The following DBNDD2 variants were observed in gnomAD, a reference collection of about 807,000 sequenced individuals.
DBNDD2 encodes dysbindin domain-containing protein 2.
Under a neutral mutation model 14.0 loss-of-function variants are expected in DBNDD2, and 8 were observed. That is an observed-to-expected ratio of 0.57 (90% CI 0.33 to 1.03). DBNDD2 has a LOEUF of 1.03. Among genes scored for constraint, DBNDD2 ranks in the 50% least tolerant of loss-of-function variants. The pLI, the probability that DBNDD2 is intolerant of heterozygous loss-of-function variation, is 0.03. For synonymous variants in DBNDD2, 94 were observed against 85.3 expected (o/e 1.10, Z -0.56); for missense variants, 194 against 206.0 (o/e 0.94, Z 0.36).
chr20:45,410,143 G>T lies in DBNDD2; in HGVS notation c.*3G>T. On this transcript the variant is annotated 3_prime_UTR_variant, in exon 3 of 3. Coordinates refer to ENST00000372710, the MANE Select transcript of DBNDD2 (RefSeq NM_001048225.4). ...CAGAGCCTGGAGCCTGCAGCTAGCA[G>T]TGGGCCCCTGCCTACAGACTGACCA... is the stretch of plus-strand genomic sequence containing the variant. The T allele has an allele frequency of 6.4e-7, 1 of 1,551,682 alleles. No homozygotes were observed. Among genetic ancestry groups the T allele is most frequent in the South Asian group, 1.2e-5 (1 of 84,064 alleles).
At chr20:45,406,180 C>T, upstream of DBNDD2, 1 of 444,208 alleles carries the variant, frequency 2.3e-6, no homozygotes. Flanking sequence ...CTCTCTTTCC[C>T]ATCGTGCGTC....
At chr20:45,408,688 C>G in intron 1 of DBNDD2, 82 bp downstream of exon 1, 1 of 1,579,370 alleles carries the variant, frequency 6.3e-7, no homozygotes, top group Non-Finnish European at 8.7e-7. Flanking sequence ...GGCACTCTCT[C>G]CCCTCTGGTT....
chr20:45,408,998 T>C lies in DBNDD2; in HGVS notation c.277+60T>C, dbSNP rs777270642. ...TCAGCCAGAGCCGGATGTCAGGCTCTGAAACGAGGCTACAAGGCTGGGCTG... is the reference window on the plus strand; with the variant it reads ...TCAGCCAGAGCCGGATGTCAGGCTCCGAAACGAGGCTACAAGGCTGGGCTG... On this transcript the variant is annotated intron_variant, in intron 2 of 2. Transcript: ENST00000372710. The C allele has an allele frequency of 2.5e-6, 4 of 1,613,876 alleles. No homozygotes were observed. The Admixed American group carries it at 6.7e-5, about 27-fold the overall frequency.
chr20:45,406,613 C>A (rs553008662), upstream of DBNDD2: 4 of 1,427,160 alleles, frequency 2.8e-6, no homozygotes, highest in South Asian at 4.4e-5. Flanking sequence ...CAGGGCCCGT[C>A]GGTCCCCCGG....
At chr20:45,407,925 T>G (rs1989558240), upstream of DBNDD2, 1 of 1,347,868 alleles carries the variant, frequency 7.4e-7, no homozygotes, top group South Asian at 2.0e-5. Flanking sequence ...CGTGTTTGTG[T>G]GGGTGGAGAG....
rs1034898341 is a variant in DBNDD2 at position 45,408,473 on chromosome 20, C to T, written c.6C>T (p.Asp2=). The change falls in exon 1 of 3, where the codon GAC becomes GAT. Residue 2 remains aspartate, a synonymous_variant. Transcript: ENST00000372710. Reference sequence around the variant, plus strand: ...CTCTACCCGCAGGAGCTGACATGGACCCAAATCCTCGGGCCGCCCTGGAGC... The same window carrying T: ...CTCTACCCGCAGGAGCTGACATGGATCCAAATCCTCGGGCCGCCCTGGAGC... M[D]PNPRAALERQ... is the part of the protein sequence containing the mutation. 1.5e-5 allele frequency: 25 copies of T among 1,614,152 alleles called. No homozygotes were observed. The highest frequency in any genetic ancestry group is 2.0e-5 in the Non-Finnish European group (24 of 1,180,060).
At chr20:45,407,282 AG>A (rs1167802393), upstream of DBNDD2, 1 of 983,798 alleles carries the variant, frequency 1.0e-6, no homozygotes, top group Non-Finnish European at 1.2e-6. Flanking sequence ...CTCCGCCGCC[AG>A]CCCGCGGCCG....
rs1031454036 is a variant in DBNDD2, at chr20:45,410,216, G to A, written c.*76G>A. The A allele has an allele frequency of 1.4e-5, 21 of 1,484,692 alleles. No homozygotes were observed. Among genetic ancestry groups the A allele is most frequent in the Middle Eastern group, 2.1e-4 (1 of 4,724 alleles). 92.0% of individuals were successfully genotyped at this position (1,484,692 alleles called of 1,614,324 possible). Reference sequence around the variant, plus strand: ...ACCACAGGCCCAGCCAGAGCCTGTCGGGAGAAGACCAGACTCTTTACTTGC... The same window carrying A: ...ACCACAGGCCCAGCCAGAGCCTGTCAGGAGAAGACCAGACTCTTTACTTGC... On this transcript the variant is annotated 3_prime_UTR_variant, in exon 3 of 3. Coordinates refer to ENST00000372710, the MANE Select transcript of DBNDD2 (RefSeq NM_001048225.4).
At position 45,409,951 on chromosome 20, in the gene DBNDD2, G is replaced by T. The variant is rs1989752479; in HGVS notation, c.297G>T (p.Glu99Asp). ...GGGCAGGGATGGACAACCATTTGGA[G>T]GAGCTGAGCCTGCCGGTGCCTACAT... ...PQSSGMDNHL[E>D]ELSLPVPTSD... Residue 99 changes from glutamate (E) to aspartate (D), a missense_variant, in exon 3 of 3, where the codon GAG becomes GAT. Glu to Asp is a conservative substitution (Grantham distance 45, BLOSUM62 2). Transcript: ENST00000372710. 6.4e-7 allele frequency: 1 copy of T among 1,551,704 alleles called. No homozygotes were observed. The highest frequency in any genetic ancestry group is 8.7e-7 in the Non-Finnish European group (1 of 1,147,006).
At chr20:45,406,968 A>G (rs1989457130), upstream of DBNDD2, among the ~76,000 whole-genome samples, 1 of 151,472 alleles carries the variant, frequency 6.6e-6, no homozygotes, top group Admixed American at 6.6e-5. Flanking sequence ...CTGCCCCCAA[A>G]TCTCTTCACC....
intron 2 of DBNDD2, chr20:45,409,148 G>C (rs1251872066): frequency 1.6e-5 from 12 of 756,626 alleles, no homozygotes; most frequent in Non-Finnish European, 2.5e-5. Flanking sequence ...AAAATTCTGG[G>C]AACGGTCAAT....
At position 45,410,137 on chromosome 20, in the gene DBNDD2, C is replaced by T; in HGVS notation, c.483C>T (p.Ser161=). Residue 161 remains serine (S), a synonymous_variant, in exon 3 of 3, where the codon AGC becomes AGT. Transcript: ENST00000372710. ...GDGGAEPGAC[S] The stretch of plus-strand genomic sequence containing the variant: ...GAGGGGCAGAGCCTGGAGCCTGCAG[C>T]TAGCAGTGGGCCCCTGCCTACAGAC... The T allele has an allele frequency of 1.9e-6, 3 of 1,551,784 alleles. No individual in the cohort carries two copies. The highest frequency in any genetic ancestry group is 2.6e-6 in the Non-Finnish European group (3 of 1,147,078).
Position 45,408,799 on chromosome 20 carries a change from AGCC to A in DBNDD2, c.140-1_141del. ...CTGACTTGCCCACTTCTTGATCCGC[AGCC>A]CCCATAGGTAGTATCTCATCCATGG... is the stretch of plus-strand genomic sequence containing the variant. On this transcript the variant is annotated splice_acceptor_variant and coding_sequence_variant, in exon 2 of 3. Coordinates refer to ENST00000372710, the MANE Select transcript of DBNDD2 (RefSeq NM_001048225.4). LOFTEE classifies it high-confidence loss of function. 1 of 1,613,872 alleles carries A rather than the reference AGCC, an allele frequency of 6.2e-7. No homozygotes were observed. The highest frequency in any genetic ancestry group is 8.5e-7 in the Non-Finnish European group (1 of 1,179,774).
chr20:45,409,008 C>G (rs1989676098), intron 2 of DBNDD2, 70 bp downstream of exon 2: 2 of 1,613,862 alleles, frequency 1.2e-6, no homozygotes, highest in Non-Finnish European at 1.7e-6. Context: ...TGAAACGAGG[C>G]TACAAGGCTG....
intron 2 of DBNDD2, 31 bp from the exon 3 acceptor site, chr20:45,409,901 T>A: frequency 6.5e-7 from 1 of 1,550,310 alleles, no homozygotes; most frequent in Non-Finnish European, 8.7e-7. Context: ...AAGCCCTGTT[T>A]GTGGCCTGAC....
chr20:45,407,142 C>T (rs989283835), upstream of DBNDD2: 6 of 226,408 alleles, frequency 2.7e-5, no homozygotes, highest in African/African-American at 1.2e-4. Flanking sequence ...TCAGCTCCCC[C>T]ACCTTGGCCT....
upstream of DBNDD2, chr20:45,407,336 G>C: frequency 1.0e-6 from 1 of 985,736 alleles, no homozygotes; most frequent in Non-Finnish European, 1.2e-6. Flanking sequence ...TGGCCAGTCG[G>C]GGTTGGGTCC....
At chr20:45,409,641 G>A (rs1307073111) in intron 2 of DBNDD2, among the ~76,000 whole-genome samples, 1 of 152,228 alleles carries the variant, frequency 6.6e-6, no homozygotes, top group African/African-American at 2.4e-5. Flanking sequence ...CAGAGTCCTT[G>A]AAAGGGAAAG....
At chr20:45,409,031 A>G in intron 2 of DBNDD2, 93 bp downstream of exon 2, 2 of 1,613,178 alleles carry the variant, frequency 1.2e-6, no homozygotes, top group Non-Finnish European at 8.5e-7. Flanking sequence ...CTGGGGAAGT[A>G]CACAAGTAAG....
Sources: gnomAD v4.1 joint callset for allele counts (sites outside exome capture counted in the v4.1 genomes callset) on GRCh38, gnomAD v4.1.1 for gene constraint, MANE v1.5 for transcripts, NCBI Gene and HGNC (gene_info 2026-07-23, HGNC 2026-07-21) for gene names.